THSD7A: variants seen among roughly 807,000 people sequenced by gnomAD.
THSD7A encodes thrombospondin type 1 domain containing 7A, also known as thrombospondin type-1 domain-containing protein 7A.
A neutral mutation model predicts 231.3 loss-of-function variants in THSD7A; 96 were observed. The ratio of observed to expected loss-of-function variants is 0.41; its 90% CI spans 0.35 to 0.49. The LOEUF (loss-of-function observed/expected upper bound fraction) is 0.49. Ranked by LOEUF, THSD7A falls within the 20% of genes least tolerant of loss-of-function variation. The pLI, the probability that THSD7A is intolerant of heterozygous loss-of-function variation, is 0.05. For synonymous variants in THSD7A, 940 were observed against 743.3 expected (o/e 1.26, Z -4.30); for missense variants, 2,290 against 2,070.2 (o/e 1.11, Z -2.06).
At chr7:11,730,830 C>A (rs893024313) in intron 1 of THSD7A, among the ~76,000 whole-genome samples, 2 of 151,476 alleles carry the variant, frequency 1.3e-5, no homozygotes, top group African/African-American at 2.4e-5. Context: ...ACTGATTGTT[C>A]CTCAGATTTA....
intron 13 of THSD7A, among the ~76,000 whole-genome samples, chr7:11,431,813 C>T (rs752905498): frequency 2.0e-5 from 3 of 152,082 alleles, no homozygotes; most frequent in Non-Finnish European, 2.9e-5. Context: ...ACATGGAATT[C>T]ATTTCCATTT....
intron 4 of THSD7A, among the ~76,000 whole-genome samples, chr7:11,566,712 G>T (rs1790344272): frequency 6.6e-6 from 1 of 152,028 alleles, no homozygotes; most frequent in African/African-American, 2.4e-5. Flanking sequence ...ATTTCAGAAA[G>T]TCTATGTCCC....
chr7:11,410,111 A>G (rs1583688559), intron 19 of THSD7A, among the ~76,000 whole-genome samples: 1 of 152,210 alleles, frequency 6.6e-6, no homozygotes, highest in East Asian at 1.9e-4. Flanking sequence ...AAAATGATTC[A>G]AGTGTGAAAT....
intron 19 of THSD7A, among the ~76,000 whole-genome samples, chr7:11,408,230 C>A (rs538888631): frequency 6.6e-6 from 1 of 151,952 alleles, no homozygotes; most frequent in East Asian, 1.9e-4. Context: ...AAATGTTGGC[C>A]GGGTGCGGTG....
intron 1 of THSD7A, among the ~76,000 whole-genome samples, chr7:11,683,242 C>T (rs1783938037): frequency 1.3e-5 from 2 of 151,760 alleles, no homozygotes; most frequent in Non-Finnish European, 2.9e-5. Flanking sequence ...AACGAAACAA[C>T]TTGCTCCTAA....
chr7:11,559,074 A>T (rs1309122649), intron 4 of THSD7A, among the ~76,000 whole-genome samples: 3 of 152,172 alleles, frequency 2.0e-5, no homozygotes, highest in South Asian at 4.1e-4. Flanking sequence ...GATGTGGGTG[A>T]TTCCTAGAAG....
intron 1 of THSD7A, among the ~76,000 whole-genome samples, chr7:11,775,340 T>A (rs1052651412): frequency 3.9e-5 from 6 of 152,186 alleles, no homozygotes; most frequent in African/African-American, 1.2e-4. Context: ...AGCAATTCCA[T>A]CTTTGGGTAT....
chr7:11,528,037 C>T (rs1267208388), intron 6 of THSD7A, among the ~76,000 whole-genome samples: 1 of 152,042 alleles, frequency 6.6e-6, no homozygotes, highest in Non-Finnish European at 1.5e-5. Context: ...CCTAGTGGTG[C>T]ACACCTGTTG....
At chr7:11,385,409 G>C (rs760957098) in intron 23 of THSD7A, 2 of 151,990 alleles carry the variant, frequency 1.3e-5, no homozygotes, top group Non-Finnish European at 2.9e-5. Context: ...TATGATGTTT[G>C]TGTAAATTTT....
In THSD7A at chr7:11,468,797, G is replaced by A. The variant is rs1785814387; in HGVS notation, c.2368+1082C>T. 3.3e-5 allele frequency among the ~76,000 whole-genome samples: 5 copies of A among 152,178 alleles called. No individual in the cohort carries two copies. In the South Asian group the frequency reaches 1.0e-3, roughly 32 times the overall value. On this transcript the variant is annotated intron_variant, in intron 9 of 27. Transcript: ENST00000423059. ...TGCAATGGGCCGAAATTGAGCCACT[G>A]TACTCCAGCCTGGATGACAGAGTGA...
At chr7:11,725,555 A>G (rs544237325) in intron 1 of THSD7A, among the ~76,000 whole-genome samples, 1 of 152,166 alleles carries the variant, frequency 6.6e-6, no homozygotes, top group South Asian at 2.1e-4. Context: ...CAATAGGACC[A>G]TATAAAAACA....
intron 1 of THSD7A, among the ~76,000 whole-genome samples, chr7:11,643,218 A>G (rs1048268446): frequency 2.6e-5 from 4 of 152,062 alleles, no homozygotes; most frequent in African/African-American, 4.8e-5. Context: ...AGCATGTCCT[A>G]CTTTACTAAG....
chr7:11,548,644 T>G (rs1373321469), intron 4 of THSD7A, among the ~76,000 whole-genome samples: 1 of 151,988 alleles, frequency 6.6e-6, no homozygotes, highest in Non-Finnish European at 1.5e-5. Flanking sequence ...CAGTAACACA[T>G]CAGAAAGCTG....
At chr7:11,778,651 ATT>A (rs904368989) in intron 1 of THSD7A, among the ~76,000 whole-genome samples, 2 of 152,174 alleles carry the variant, frequency 1.3e-5, no homozygotes, top group African/African-American at 4.8e-5. Flanking sequence ...TAAGATTAAT[ATT>A]TACATTCAGA....
intron 2 of THSD7A, among the ~76,000 whole-genome samples, chr7:11,616,737 T>A (rs1286787385): frequency 6.6e-6 from 1 of 152,124 alleles, no homozygotes; most frequent in Non-Finnish European, 1.5e-5. Flanking sequence ...TTTTGAGAAG[T>A]CTAGCTCTTT....
intron 1 of THSD7A, among the ~76,000 whole-genome samples, chr7:11,646,935 T>A (rs941829597): frequency 2.6e-5 from 4 of 152,030 alleles, no homozygotes; most frequent in African/African-American, 9.7e-5. Context: ...AGTGCAAGCA[T>A]ATGTAATAAA....
intron 1 of THSD7A, among the ~76,000 whole-genome samples, chr7:11,692,994 T>G (rs546109146): frequency 2.0e-5 from 3 of 151,616 alleles, no homozygotes; most frequent in East Asian, 2.0e-4. Context: ...TATAAGGTTT[T>G]TTTGTTTGTT....
intron 22 of THSD7A, among the ~76,000 whole-genome samples, chr7:11,404,691 T>C (rs1315171304): frequency 1.3e-5 from 2 of 152,236 alleles, no homozygotes; most frequent in Non-Finnish European, 2.9e-5. Context: ...CAAAAGGTTG[T>C]TGGCAGCAAC....
chr7:11,392,420 C>T (rs1253110194), intron 23 of THSD7A, among the ~76,000 whole-genome samples: 1 of 152,158 alleles, frequency 6.6e-6, no homozygotes, highest in Non-Finnish European at 1.5e-5. Flanking sequence ...CCTACACCAC[C>T]AGGGCCTTGG....
Sources: allele counts gnomAD v4.1 joint callset (sites outside exome capture counted in the v4.1 genomes callset), GRCh38; gene constraint gnomAD v4.1.1; transcripts MANE v1.5; gene names NCBI Gene and HGNC (gene_info 2026-07-23, HGNC 2026-07-21).